The following PRPSAP1 variants were observed in gnomAD, a reference collection of about 807,000 sequenced individuals.
The protein encoded by PRPSAP1 is phosphoribosyl pyrophosphate synthetase associated protein 1.
In PRPSAP1, 31 loss-of-function variants were observed where a neutral mutation model predicts 39.4. The ratio of observed to expected loss-of-function variants is 0.79; its 90% confidence interval spans 0.59 to 1.06. The LOEUF (loss-of-function observed/expected upper bound fraction) is 1.06. Among genes scored for constraint, PRPSAP1 ranks in the 50% least tolerant of loss-of-function variants. The pLI, the probability that PRPSAP1 is intolerant of heterozygous loss-of-function variation, is 0.00. For missense variants in PRPSAP1, 430 were observed against 511.6 expected (o/e 0.84, Z 1.54); for synonymous variants, 212 against 192.6 (o/e 1.10, Z -0.83).
chr17:76,325,180 C>A (rs902992895), intron 7 of PRPSAP1, among the ~76,000 whole-genome samples: 1 of 151,120 alleles, frequency 6.6e-6, no homozygotes, highest in African/African-American at 2.4e-5. Flanking sequence ...GAAGCCGAGG[C>A]GGGCGGATCA....
chr17:76,318,572 C>T lies in PRPSAP1; in HGVS notation c.782-4681G>A, dbSNP rs997956729. The stretch of plus-strand genomic sequence containing the variant: ...GATCTTAATCTTCTTTACCAACCAA[C>T]GAACCACTGGCACACATTGGATAAC... On this transcript the variant is annotated intron_variant, in intron 7 of 9. Coordinates refer to ENST00000446526, the MANE Select transcript of PRPSAP1 (RefSeq NM_002766.3). 3.9e-5 allele frequency among the ~76,000 whole-genome samples: 6 copies of T among 152,190 alleles called. 1 individual carries two copies. The highest frequency in any genetic ancestry group is 4.1e-4 in the South Asian group (2 of 4,834).
chr17:76,341,234 G>GGTT (rs1567807810), intron 3 of PRPSAP1, among the ~76,000 whole-genome samples: 1 of 119,976 alleles, frequency 8.3e-6, no homozygotes. Context: ...ACTTTTTTTT[G>GGTT]TTTTTTTTTT....
intron 1 of PRPSAP1, among the ~76,000 whole-genome samples, chr17:76,349,645 C>G (rs2071546431): frequency 6.6e-6 from 1 of 151,240 alleles, no homozygotes; most frequent in Non-Finnish European, 1.5e-5. Context: ...TCTATAATCC[C>G]AGCTACTCAG....
chr17:76,351,911 A>G (rs1285585515), intron 1 of PRPSAP1, among the ~76,000 whole-genome samples: 1 of 152,140 alleles, frequency 6.6e-6, no homozygotes, highest in Admixed American at 6.6e-5. Flanking sequence ...CTGAACCACT[A>G]GATACACACA....
chr17:76,348,455 AGAGT>A, intron 2 of PRPSAP1, 70 bp downstream of exon 2: 1 of 977,054 alleles, frequency 1.0e-6, no homozygotes, highest in Non-Finnish European at 1.4e-6. Context: ...CCTGGGCGAC[AGAGT>A]GAGGCTCTGT....
intron 3 of PRPSAP1, among the ~76,000 whole-genome samples, chr17:76,340,571 C>T (rs2071424769): frequency 6.6e-6 from 1 of 151,544 alleles, no homozygotes; most frequent in Non-Finnish European, 1.5e-5. Flanking sequence ...TAACAATATG[C>T]TGTTTCTATG....
chr17:76,326,559 C>T (rs944674683), intron 7 of PRPSAP1, among the ~76,000 whole-genome samples: 1 of 152,046 alleles, frequency 6.6e-6, no homozygotes, highest in African/African-American at 2.4e-5. Flanking sequence ...ACAAACAAGC[C>T]CCAATTAAGG....
intron 3 of PRPSAP1, among the ~76,000 whole-genome samples, chr17:76,332,722 G>C (rs2071336149): frequency 6.6e-6 from 1 of 152,166 alleles, no homozygotes; most frequent in African/African-American, 2.4e-5. Context: ...AGTGACATCT[G>C]AAGCAACTGC....
At chr17:76,320,348 G>A (rs201681829) in intron 7 of PRPSAP1, among the ~76,000 whole-genome samples, 5 of 95,520 alleles carry the variant, frequency 5.2e-5, no homozygotes, top group Admixed American at 1.1e-4. Context: ...AGGGAGGAAG[G>A]AAGGAAGAAA....
chr17:76,343,981 C>T (rs923156667), intron 3 of PRPSAP1, among the ~76,000 whole-genome samples: 1 of 151,988 alleles, frequency 6.6e-6, no homozygotes, highest in Non-Finnish European at 1.5e-5. Context: ...GAGACAGTCT[C>T]ACTCTGTCGC....
At chr17:76,338,742 T>A (rs2071404604) in intron 3 of PRPSAP1, among the ~76,000 whole-genome samples, 1 of 150,986 alleles carries the variant, frequency 6.6e-6, no homozygotes, top group African/African-American at 2.4e-5. Context: ...TAAAATAAAA[T>A]AAAAAATTAG....
chr17:76,353,292 C>A (rs2071600036), intron 1 of PRPSAP1: 1 of 488,780 alleles, frequency 2.0e-6, no homozygotes, highest in Non-Finnish European at 3.6e-6. Context: ...GCAGGCAGGC[C>A]GCGGACCCAG....
At chr17:76,323,945 A>C (rs889683330) in intron 7 of PRPSAP1, among the ~76,000 whole-genome samples, 2 of 151,690 alleles carry the variant, frequency 1.3e-5, no homozygotes, top group African/African-American at 4.8e-5. Context: ...CAGGAGTTCG[A>C]GACCAGCGTG....
intron 9 of PRPSAP1, among the ~76,000 whole-genome samples, chr17:76,312,620 C>T (rs756245698): frequency 8.5e-5 from 13 of 152,052 alleles, no homozygotes; most frequent in African/African-American, 2.9e-4. Context: ...AGTAATTTAT[C>T]GAATACTATA....
At chr17:76,327,913 T>C (rs1426542248) in intron 7 of PRPSAP1, among the ~76,000 whole-genome samples, 1 of 152,070 alleles carries the variant, frequency 6.6e-6, no homozygotes, top group Non-Finnish European at 1.5e-5. Flanking sequence ...GGGGCTCATG[T>C]CTGTAATCTT....
At position 76,311,313 on chromosome 17, in the gene PRPSAP1, G is replaced by T; in HGVS notation, c.*229C>A. The T allele has an allele frequency of 2.4e-6, 1 of 408,244 alleles. No individual in the cohort carries two copies. Among genetic ancestry groups the T allele is most frequent in the Non-Finnish European group, 4.3e-6 (1 of 232,544 alleles). 25.3% of individuals were successfully genotyped at this position (408,244 alleles called of 1,614,324 possible). ...TAAGAAAGCAGCTAGAACTTTTAAG[G>T]AACAGGGCTGATGACAGCAGACATG... On this transcript the variant is annotated 3_prime_UTR_variant, in exon 10 of 10. Transcript: ENST00000446526.
intron 3 of PRPSAP1, among the ~76,000 whole-genome samples, chr17:76,335,886 C>T (rs1035950179): frequency 2.6e-5 from 4 of 151,890 alleles, no homozygotes; most frequent in Admixed American, 6.6e-5. Flanking sequence ...CCTAGCTATT[C>T]GGGAGGCTGA....
At chr17:76,354,038 C>T (rs2071616564), upstream of PRPSAP1, 1 of 1,110,000 alleles carries the variant, frequency 9.0e-7, no homozygotes, top group Non-Finnish European at 1.1e-6. Context: ...AGGGGCATGT[C>T]ACAGGTTCGC....
chr17:76,347,199 A>G (rs1370704919), intron 2 of PRPSAP1, among the ~76,000 whole-genome samples: 4 of 148,578 alleles, frequency 2.7e-5, no homozygotes, highest in African/African-American at 9.9e-5. Context: ...GAAAGCAGAC[A>G]GAGTGGGCCG....
Sources: allele counts gnomAD v4.1 joint callset (sites outside exome capture counted in the v4.1 genomes callset), GRCh38; gene constraint gnomAD v4.1.1; transcripts MANE v1.5; gene names NCBI Gene and HGNC (gene_info 2026-07-23, HGNC 2026-07-21).